The following ZCCHC2 variants were observed in gnomAD, a reference collection of about 807,000 sequenced individuals.
The protein encoded by ZCCHC2 is zinc finger CCHC domain-containing protein 2.
A neutral mutation model predicts 103.6 loss-of-function variants in ZCCHC2; 39 were observed. The observed-to-expected ratio is 0.38, with a 90% CI of 0.29 to 0.49. The LOEUF is 0.49. ZCCHC2 is among the 20% of genes least tolerant of loss of function. ZCCHC2 has a pLI of 0.96. For missense variants in ZCCHC2, 1,483 were observed against 1,491.0 expected (o/e 0.99, Z 0.09); for synonymous variants, 687 against 608.9 (o/e 1.13, Z -1.89).
chr18:62,547,553 T>G (rs1003467428), intron 4 of ZCCHC2, among the ~76,000 whole-genome samples: 19 of 151,706 alleles, frequency 1.3e-4, no homozygotes, highest in East Asian at 3.9e-4. Flanking sequence ...TTGTTTGTTT[T>G]TTTTTTTTCT....
At chr18:62,525,193 ATCAC>A (rs1258770254) in intron 1 of ZCCHC2, 4 of 152,230 alleles carry the variant, frequency 2.6e-5, no homozygotes, top group African/African-American at 7.2e-5. Context: ...GCCCAAAAGA[ATCAC>A]TTAAACACCA....
At chr18:62,531,789 A>C (rs1484717424) in intron 1 of ZCCHC2, among the ~76,000 whole-genome samples, 1 of 109,342 alleles carries the variant, frequency 9.1e-6, no homozygotes, top group African/African-American at 3.6e-5. Context: ...CTCTACAAAA[A>C]GTAAAAAAAA....
downstream of ZCCHC2, among the ~76,000 whole-genome samples, chr18:62,582,309 A>G (rs938990631): frequency 6.6e-6 from 1 of 152,248 alleles, no homozygotes; most frequent in Non-Finnish European, 1.5e-5. Context: ...AAGGGATGGA[A>G]GAGACAGGTA....
At chr18:62,524,871 C>T (rs553351183) in intron 1 of ZCCHC2, 1 of 157,110 alleles carries the variant, frequency 6.4e-6, no homozygotes, top group African/African-American at 2.4e-5. Context: ...AGGTGCGCTC[C>T]CGGCGAGCTG....
chr18:62,574,789 C>A lies in ZCCHC2; in HGVS notation c.2708C>A (p.Pro903Gln). ...PQPTNVKVVL[P>Q]AAGLSAAQPP... ...CCTACCAATGTGAAGGTAGTTCTTC[C>A]AGCAGCTGGCCTCTCAGCTGCTCAG... The change falls in exon 13 of 14, where the codon CCA (proline) becomes CAA (glutamine). Residue 903 changes from proline (P) to glutamine (Q), a missense_variant. This residue lies in a region of ZCCHC2 where 884 missense variants were observed against 907.5 expected (regional missense o/e 0.97). Transcript: ENST00000269499. The A allele has an allele frequency of 6.2e-7, 1 of 1,613,984 alleles. No individual in the cohort carries two copies. The highest frequency in any genetic ancestry group is 8.5e-7 in the Non-Finnish European group (1 of 1,179,890).
At chr18:62,567,944 CAAAAAA>C (rs71888422) in intron 11 of ZCCHC2, among the ~76,000 whole-genome samples, 23,200 of 81,646 alleles carry the variant, frequency 0.28, 3,219 homozygotes, top group Admixed American at 0.4. Context: ...GACTCTGTCT[CAAAAAA>C]AAAAAAAAAG....
intron 13 of ZCCHC2, among the ~76,000 whole-genome samples, chr18:62,575,836 T>C (rs1461727742): frequency 6.6e-6 from 1 of 152,078 alleles, no homozygotes; most frequent in African/African-American, 2.4e-5. Context: ...ATGTTAAATC[T>C]CTTGCTTGCA....
Position 62,523,376 on chromosome 18 carries a change from G to GCGGGGGCCC in ZCCHC2, c.-48_-47insGGGGGCCCC. 1 of 1,012,356 alleles carries GCGGGGGCCC rather than the reference G, an allele frequency of 9.9e-7. No homozygotes were observed. Among genetic ancestry groups the GCGGGGGCCC allele is most frequent in the Non-Finnish European group, 1.2e-6 (1 of 848,992 alleles). 62.7% of individuals were successfully genotyped at this position (1,012,356 alleles called of 1,614,324 possible). On this transcript the variant is annotated 5_prime_UTR_variant, in exon 1 of 14. Transcript: ENST00000269499. ...GCCTCGGCCCGTGCTCCACCTCGCG[G>GCGGGGGCCC]CCCCTCCCGCCCGCCCCCGCTCGCA...
chr18:62,539,926 CAA>C, intron 2 of ZCCHC2, 134 bp downstream of exon 2: 1 of 696,100 alleles, frequency 1.4e-6, no homozygotes, highest in Non-Finnish European at 2.4e-6. Flanking sequence ...AGGCTTCACT[CAA>C]GAGCCAGTCC....
intron 5 of ZCCHC2, chr18:62,551,349 T>G (rs553297182): frequency 6.6e-6 from 1 of 152,360 alleles, no homozygotes; most frequent in African/African-American, 2.4e-5. Flanking sequence ...GTTGTGTGAA[T>G]TATTTTTTAA....
chr18:62,585,149 T>G (rs1917139056), exon 15 of ZCCHC2: 1 of 152,214 alleles, frequency 6.6e-6, no homozygotes, highest in Non-Finnish European at 1.5e-5. Flanking sequence ...TCCAGGACTT[T>G]TAGAACTAGG....
chr18:62,556,243 CAG>C lies in ZCCHC2; in HGVS notation c.1356_1357del (p.Lys453SerfsTer18). Reference protein sequence around the residue: ...SSSSQAFLQSQKVHSFFQSIS... With the variant: ...SSSSQAFLQSXKVHSFFQSIS... ...TTCATCACAAGCTTTTCTACAAAGT[CAG>C]AAAGTACACAGCTTCTTTCAGTCCA... On this transcript the variant is annotated frameshift_variant, in exon 6 of 14. Transcript: ENST00000269499. LOFTEE classifies it high-confidence loss of function. 1 of 1,606,642 alleles carries C rather than the reference CAG, an allele frequency of 6.2e-7. No homozygotes were observed. Among genetic ancestry groups the C allele is most frequent in the Non-Finnish European group, 8.5e-7 (1 of 1,176,244 alleles).
chr18:62,574,218 T>C lies in ZCCHC2; in HGVS notation c.2137T>C (p.Tyr713His), dbSNP rs371555129. The change falls in exon 13 of 14, where the codon TAT becomes CAT. Residue 713 changes from tyrosine (Y) to histidine (H), a missense_variant. Physicochemically the swap from Tyr to His is moderately conservative, Grantham distance 83. Coordinates refer to ENST00000269499, the MANE Select transcript of ZCCHC2 (RefSeq NM_017742.6). Reference sequence around the variant, plus strand: ...AGAAGATCCCTTAAACTCACCCAAGTATCAGCATATTTCTTTTATGCCAAC... The same window carrying C: ...AGAAGATCCCTTAAACTCACCCAAGCATCAGCATATTTCTTTTATGCCAAC... ...LLEDPLNSPKYQHISFMPTLH... is the reference protein window; with the variant it reads ...LLEDPLNSPKHQHISFMPTLH... 6.2e-7 allele frequency: 1 copy of C among 1,613,898 alleles called. No homozygotes were observed. Among genetic ancestry groups the C allele is most frequent in the Non-Finnish European group, 8.5e-7 (1 of 1,179,894 alleles).
At chr18:62,569,553 A>G (rs565713737) in intron 11 of ZCCHC2, among the ~76,000 whole-genome samples, 125 of 152,150 alleles carry the variant, frequency 8.2e-4, no homozygotes, top group African/African-American at 3.0e-3. Context: ...ATACACCGAT[A>G]GTCCCTCCTT....
chr18:62,565,047 T>C lies in ZCCHC2; in HGVS notation c.1797T>C (p.Asn599=). ...ACAACAGATTGAATAGTAGAATAAA[T>C]GGTATTAGACTCTCCACTCCTCAGC... The part of the protein sequence containing the change: ...KTDNRLNSRI[N]GIRLSTPQHA... Residue 599 remains asparagine (N), a synonymous_variant, in exon 11 of 14, where the codon AAT becomes AAC. Coordinates refer to ENST00000269499, the MANE Select transcript of ZCCHC2 (RefSeq NM_017742.6). The C allele has an allele frequency of 6.2e-7, 1 of 1,613,614 alleles. No homozygotes were observed. The highest frequency in any genetic ancestry group is 8.5e-7 in the Non-Finnish European group (1 of 1,179,676).
intron 9 of ZCCHC2, among the ~76,000 whole-genome samples, 177 bp downstream of exon 9, chr18:62,563,321 G>A (rs1336166515): frequency 6.6e-6 from 1 of 152,160 alleles, no homozygotes; most frequent in Admixed American, 6.5e-5. Flanking sequence ...CTGAAAATGT[G>A]TATTTAGATT....
chr18:62,570,237 C>T lies in ZCCHC2; in HGVS notation c.1975+6C>T, dbSNP rs369495359. The T allele has an allele frequency of 3.7e-6, 6 of 1,610,130 alleles. No individual in the cohort carries two copies. Among genetic ancestry groups the T allele is most frequent in the Non-Finnish European group, 5.1e-6 (6 of 1,178,190 alleles). On this transcript the variant is annotated splice_donor_region_variant and intron_variant, in intron 12 of 13. Transcript: ENST00000269499. Reference sequence around the variant, plus strand: ...TGAAGAAGAGAAAGACAGAGGTTTGCTCTTTGAAGTGGGAGTATTGTTGGC... The same window carrying T: ...TGAAGAAGAGAAAGACAGAGGTTTGTTCTTTGAAGTGGGAGTATTGTTGGC...
intron 6 of ZCCHC2, among the ~76,000 whole-genome samples, chr18:62,557,248 C>T (rs1199416460): frequency 3.3e-5 from 5 of 152,194 alleles, no homozygotes; most frequent in Non-Finnish European, 7.3e-5. Context: ...TTGTCAGTAA[C>T]ATTGGCGTGT....
chr18:62,539,834 A>G, intron 2 of ZCCHC2, 42 bp downstream of exon 2: 1 of 1,471,320 alleles, frequency 6.8e-7, no homozygotes, highest in Non-Finnish European at 9.4e-7. Flanking sequence ...TAATACATCA[A>G]AAGATTACAG....
Sources: allele counts gnomAD v4.1 joint callset (sites outside exome capture counted in the v4.1 genomes callset), GRCh38; gene constraint gnomAD v4.1.1; regional missense constraint gnomAD v4.1.1; transcripts MANE v1.5; gene names NCBI Gene and HGNC (gene_info 2026-07-23, HGNC 2026-07-21).